The following FASN variants were observed in gnomAD, a reference collection of about 807,000 sequenced individuals.
FASN encodes 3-hydroxyacyl-[acyl-carrier-protein] dehydratase.
FASN carries 50 observed loss-of-function variants against 250.0 expected under a neutral mutation model. The ratio of observed to expected loss-of-function variants is 0.20; its 90% CI spans 0.16 to 0.25. The LOEUF (loss-of-function observed/expected upper bound fraction) is 0.25, where lower values mean the gene tolerates loss of function less well. Ranked by LOEUF, FASN falls within the 10% of genes least tolerant of loss-of-function variation. The pLI is 1.00. For synonymous variants in FASN, 1,909 were observed against 1,584.0 expected (o/e 1.21, Z -4.87); for missense variants, 3,031 against 3,498.5 (o/e 0.87, Z 3.37).
chr17:82,081,501 G>C, intron 37 of FASN, 100 bp downstream of exon 37: 1 of 1,592,402 alleles, frequency 6.3e-7, no homozygotes, highest in Admixed American at 1.7e-5. Flanking sequence ...TGGCTCTGCA[G>C]ATGGGGAAAC....
Position 82,088,549 on chromosome 17 carries a change from G to A in FASN, c.2434C>T (p.Pro812Ser). Reference sequence around the variant, plus strand: ...TCCACAGGTGGGAACAAGGCATTGGGGTTGGCGTCGATGCTACGGAGAAGG... The same window carrying A: ...TCCACAGGTGGGAACAAGGCATTGGAGTTGGCGTCGATGCTACGGAGAAGG... ...RLHLSGIDAN[P>S]NALFPPVEFP... Residue 812 changes from proline (P) to serine (S), a missense_variant, in exon 16 of 43, where the codon CCC (proline) becomes TCC (serine). Physicochemically the swap from Pro to Ser is moderately conservative, Grantham distance 74. Transcript: ENST00000306749. 2 of 1,605,700 alleles carry A rather than the reference G, an allele frequency of 1.2e-6. No homozygotes were observed. The highest frequency in any genetic ancestry group is 1.7e-6 in the Non-Finnish European group (2 of 1,175,240).
At position 82,098,157 on chromosome 17, in the gene FASN, A is replaced by G. The variant is rs1598586960; in HGVS notation, c.-44T>C. 2.8e-6 allele frequency: 1 copy of G among 354,832 alleles called. No homozygotes were observed. Among genetic ancestry groups the G allele is most frequent in the African/African-American group, 2.1e-5 (1 of 46,544 alleles). 22.0% of individuals were successfully genotyped at this position (354,832 alleles called of 1,614,324 possible). ...GCGGGCGGCGGTGCGGGCGGCGGAG[A>G]GCGAGGCTGGAGCGCGGCGGAGCGG... On this transcript the variant is annotated 5_prime_UTR_variant, in exon 1 of 43. Transcript: ENST00000306749.
intron 25 of FASN, 28 bp downstream of exon 25, chr17:82,085,007 G>A: frequency 6.3e-7 from 1 of 1,593,178 alleles, no homozygotes; most frequent in Non-Finnish European, 8.5e-7. Context: ...GGTGGGGAAG[G>A]GGAAGTGGTG....
chr17:82,095,609 A>C lies in FASN; in HGVS notation c.128-137T>G, dbSNP rs530670976. ...TATGCCTGGGAGGCCCAAACAATGG[A>C]GCAGGCTCCCCAGGAGGGGAAGACC... On this transcript the variant is annotated intron_variant, in intron 2 of 42. Transcript: ENST00000306749. 7 of 1,074,516 alleles carry C rather than the reference A, an allele frequency of 6.5e-6. No homozygotes were observed. The East Asian group carries it at 1.8e-4, about 27-fold the overall frequency. 66.6% of individuals were successfully genotyped at this position (1,074,516 alleles called of 1,614,324 possible).
At chr17:82,086,686 G>A in intron 21 of FASN, 128 bp from the exon 22 acceptor site, 3 of 771,424 alleles carry the variant, frequency 3.9e-6, no homozygotes, top group Non-Finnish European at 6.6e-6. Context: ...AGAAATAGCT[G>A]AGGGTTGAGG....
At chr17:82,095,534 G>C in intron 2 of FASN, 62 bp from the exon 3 acceptor site, 2 of 1,592,460 alleles carry the variant, frequency 1.3e-6, no homozygotes, top group Non-Finnish European at 1.7e-6. Context: ...GGGCCCTGTG[G>C]GGTGCTGCAG....
At chr17:82,079,317 T>TCCTGTGCCTGTCC (rs1445103853) in intron 42 of FASN, 37 bp from the exon 43 acceptor site, 1 of 1,612,986 alleles carries the variant, frequency 6.2e-7, no homozygotes, top group Non-Finnish European at 8.5e-7. Flanking sequence ...CCCACCCCAC[T>TCCTGTGCCTGTCC]CCTGTCCCTG....
In FASN at chr17:82,092,821, G is replaced by A. The variant is rs1259293986; in HGVS notation, c.779-9C>T. On this transcript the variant is annotated splice_polypyrimidine_tract_variant and intron_variant, in intron 6 of 42. Coordinates refer to ENST00000306749, the MANE Select transcript of FASN (RefSeq NM_004104.5). Reference sequence around the variant, plus strand: ...TGAGGGGAAGGTCACGCCTGCGGAGGGCTCGGCTCAGTGCTGCAGCCCCAG... The same window carrying A: ...TGAGGGGAAGGTCACGCCTGCGGAGAGCTCGGCTCAGTGCTGCAGCCCCAG... 1.9e-6 allele frequency: 3 copies of A among 1,589,934 alleles called. No homozygotes were observed. Among genetic ancestry groups the A allele is most frequent in the Admixed American group, 1.8e-5 (1 of 57,016 alleles).
At chr17:82,091,767 C>T in intron 8 of FASN, 83 bp from the exon 9 acceptor site, 1 of 1,283,164 alleles carries the variant, frequency 7.8e-7, no homozygotes, top group Non-Finnish European at 1.1e-6. Flanking sequence ...CCCCGAGACT[C>T]TCATGTGGGG....
At chr17:82,094,959 G>A (rs906589131) in intron 3 of FASN, among the ~76,000 whole-genome samples, 5 of 149,382 alleles carry the variant, frequency 3.3e-5, no homozygotes, top group Admixed American at 6.6e-5. Flanking sequence ...CAGCAGGGCC[G>A]GTGCTGTCCG....
In FASN at chr17:82,093,716, G is replaced by A. The variant is rs775026834; in HGVS notation, c.336C>T (p.Ser112=). ...GTHTGVWVGV[S]GSETSEALSR... Reference sequence around the variant, plus strand: ...TCAGGGCCTCCGAGGTCTCAGAGCCGCTCACGCCCACCCAGACGCCAGTGT... The same window carrying A: ...TCAGGGCCTCCGAGGTCTCAGAGCCACTCACGCCCACCCAGACGCCAGTGT... The change falls in exon 4 of 43, where the codon AGC becomes AGT. Residue 112 remains serine (S), a synonymous_variant. Transcript: ENST00000306749. The A allele has an allele frequency of 1.7e-5, 27 of 1,612,608 alleles. No homozygotes were observed. Among genetic ancestry groups the A allele is most frequent in the Non-Finnish European group, 2.1e-5 (25 of 1,179,982 alleles).
intron 40 of FASN, 21 bp downstream of exon 40, chr17:82,080,349 T>G: frequency 6.2e-7 from 1 of 1,606,034 alleles, no homozygotes; most frequent in Non-Finnish European, 8.5e-7. Flanking sequence ...CGTAGGCCTC[T>G]AGGACCAGCC....
rs767492248 is a variant in FASN at position 82,079,494 on chromosome 17, G to A, written c.7261C>T (p.Arg2421Trp). Residue 2421 changes from arginine (R) to tryptophan (W), a missense_variant, in exon 42 of 43, where the codon CGG becomes TGG. Coordinates refer to ENST00000306749, the MANE Select transcript of FASN (RefSeq NM_004104.5). ...GCACGCAGCTTGTAGTAGAAGGACCGGGCCGCAAAGCTCAGCTCCTGGCGG... is the reference window on the plus strand; with the variant it reads ...GCACGCAGCTTGTAGTAGAAGGACCAGGCCGCAAAGCTCAGCTCCTGGCGG... The part of the protein sequence containing the change: ...LDRQELSFAA[R>W]SFYYKLRAAE... 2.1e-5 allele frequency: 34 copies of A among 1,612,462 alleles called. No individual in the cohort carries two copies. The highest frequency in any genetic ancestry group is 4.5e-5 in the East Asian group (2 of 44,888).
rs758707493 is a variant in FASN at position 82,093,813 on chromosome 17, A to C, written c.281-42T>G. ...TCAAGGTGCCACGGCCGGGCCCCAC[A>C]GCGCAGCCAGCCCACCCACCCACCC... On this transcript the variant is annotated intron_variant, in intron 3 of 42. Transcript: ENST00000306749. 1.1e-5 allele frequency: 17 copies of C among 1,593,228 alleles called. No homozygotes were observed. The South Asian group carries it at 1.6e-4, about 15-fold the overall frequency.
rs372399410 is a variant in FASN at position 82,091,316 on chromosome 17, G to C, written c.1398C>G (p.Pro466=). Residue 466 remains proline, a synonymous_variant, in exon 9 of 43, where the codon CCC becomes CCG. Coordinates refer to ENST00000306749, the MANE Select transcript of FASN (RefSeq NM_004104.5). ...DIAAVPATAM[P]FRGYAVLGGE... is the part of the protein sequence containing the mutation. ...CACCCAGCACAGCGTAGCCACGGAA[G>C]GGCATGGCGGTGGCGGGGACAGCCG... is the stretch of plus-strand genomic sequence containing the variant. The C allele has an allele frequency of 4.6e-5, 74 of 1,610,770 alleles. No homozygotes were observed. The highest frequency in any genetic ancestry group is 5.9e-5 in the Non-Finnish European group (70 of 1,179,348).
rs186808109 is a variant in FASN, at chr17:82,096,944, T to C, written c.-7-492A>G. 246 of 238,616 alleles carry C rather than the reference T, an allele frequency of 1.0e-3. 1 individual carries two copies. Among genetic ancestry groups the C allele is most frequent in the African/African-American group, 5.0e-3 (222 of 44,448 alleles). 14.8% of individuals were successfully genotyped at this position (238,616 alleles called of 1,614,324 possible). On this transcript the variant is annotated intron_variant, in intron 1 of 42. Coordinates refer to ENST00000306749, the MANE Select transcript of FASN (RefSeq NM_004104.5). The stretch of plus-strand genomic sequence containing the variant: ...CCATCAAAGAAATGGAGAGGCAGGG[T>C]CCCAAAGCCGGGGCATGGAGGTGGC...
rs377742308 is a variant in FASN at position 82,092,826 on chromosome 17, G to A, written c.779-14C>T. ...GGAAGGTCACGCCTGCGGAGGGCTCGGCTCAGTGCTGCAGCCCCAGCCCCG... is the reference window on the plus strand; with the variant it reads ...GGAAGGTCACGCCTGCGGAGGGCTCAGCTCAGTGCTGCAGCCCCAGCCCCG... On this transcript the variant is annotated splice_polypyrimidine_tract_variant and intron_variant, in intron 6 of 42. Coordinates refer to ENST00000306749, the MANE Select transcript of FASN (RefSeq NM_004104.5). 3.6e-5 allele frequency: 57 copies of A among 1,587,362 alleles called. No homozygotes were observed. The highest frequency in any genetic ancestry group is 1.9e-4 in the African/African-American group (14 of 74,368).
intron 22 of FASN, among the ~76,000 whole-genome samples, 161 bp from the exon 23 acceptor site, chr17:82,086,032 C>T (rs1214262044): frequency 1.3e-5 from 2 of 152,192 alleles, no homozygotes; most frequent in Non-Finnish European, 1.5e-5. Flanking sequence ...TGGTCTTGTC[C>T]CTGGGGTCCT....
Position 82,085,292 on chromosome 17 carries a change from G to T in FASN, c.4233C>A (p.Ser1411Arg). The T allele has an allele frequency of 6.2e-7, 1 of 1,611,478 alleles. No homozygotes were observed. The highest frequency in any genetic ancestry group is 8.5e-7 in the Non-Finnish European group (1 of 1,179,510). The change falls in exon 24 of 43, where the codon AGC (serine) becomes AGA (arginine). Residue 1411 changes from serine to arginine, a missense_variant. Physicochemically the swap from Ser to Arg is moderately radical, Grantham distance 110. Coordinates refer to ENST00000306749, the MANE Select transcript of FASN (RefSeq NM_004104.5). ...TATCGTCCACCGGCAGGAAGATGGG[G>T]CTGTCCTGCGGGGTGGGCCGGCGGC... ...FLCRRPTPQD[S>R]PIFLPVDDTS...
Sources: gnomAD v4.1 joint callset for allele counts (sites outside exome capture counted in the v4.1 genomes callset) on GRCh38, gnomAD v4.1.1 for gene constraint, MANE v1.5 for transcripts, NCBI Gene and HGNC (gene_info 2026-07-23, HGNC 2026-07-21) for gene names.